The following ZC3H12B variants were observed in gnomAD, a reference collection of about 807,000 sequenced individuals.
ZC3H12B encodes the protein zinc finger CCCH-type containing 12B, also known as probable ribonuclease ZC3H12B.
Under a neutral mutation model 43.9 loss-of-function variants are expected in ZC3H12B, and 7 were observed. That is an observed-to-expected ratio of 0.16 (90% confidence interval 0.09 to 0.30). The LOEUF (loss-of-function observed/expected upper bound fraction) is 0.30, where lower values mean the gene tolerates loss of function less well. Ranked by LOEUF, ZC3H12B falls within the 10% of genes least tolerant of loss-of-function variation. The pLI is 1.00. For synonymous variants in ZC3H12B, 222 were observed against 241.7 expected (o/e 0.92, Z 0.76); for missense variants, 475 against 670.2 (o/e 0.71, Z 3.22).
chrX:65,380,235 C>T (rs1429202100), intron 2 of ZC3H12B, among the ~76,000 whole-genome samples: 1 of 111,984 alleles, frequency 8.9e-6, no homozygotes, highest in Non-Finnish European at 1.9e-5. Context: ...CAAAGGGAAG[C>T]CCATCAGACT....
At chrX:65,058,529 C>T in the ZC3H12B span, among the ~76,000 whole-genome samples, 1 of 112,007 alleles carries the variant, frequency 8.9e-6, no homozygotes, top group Non-Finnish European at 1.9e-5. Context: ...AGTTAGGGAC[C>T]CACTTGAGGA....
the ZC3H12B span, among the ~76,000 whole-genome samples, chrX:65,035,206 A>C: frequency 3.6e-5 from 4 of 110,905 alleles, no homozygotes; most frequent in Admixed American, 9.3e-5. Context: ...CGGGCGGGGG[A>C]GGGGCTCCCC....
At chrX:65,331,210 C>G in the ZC3H12B span, 1 of 139,424 alleles carries the variant, frequency 7.2e-6, no homozygotes, top group African/African-American at 3.2e-5. Flanking sequence ...GGAGTTTAGG[C>G]TTTGGCTCCT....
chrX:65,468,148 A>T (rs887212687), intron 3 of ZC3H12B, among the ~76,000 whole-genome samples: 1 of 111,792 alleles, frequency 8.9e-6, no homozygotes, highest in African/African-American at 3.2e-5. Flanking sequence ...AGAGATAGAG[A>T]TCCAGTTTCT....
the ZC3H12B span, among the ~76,000 whole-genome samples, chrX:65,221,562 C>A: frequency 9.0e-6 from 1 of 110,916 alleles, no homozygotes; most frequent in Non-Finnish European, 1.9e-5. Context: ...ACTGTGAACA[C>A]CTTTATGCAC....
chrX:65,114,331 C>A, the ZC3H12B span, among the ~76,000 whole-genome samples: 1 of 109,085 alleles, frequency 9.2e-6, no homozygotes, highest in Non-Finnish European at 1.9e-5. Flanking sequence ...GGTTATAATT[C>A]TTTTAATACT....
chrX:65,248,191 C>T, the ZC3H12B span, among the ~76,000 whole-genome samples: 4 of 110,412 alleles, frequency 3.6e-5, no homozygotes, highest in African/African-American at 9.9e-5. Flanking sequence ...ACCGCCACCA[C>T]GCCCAGCTAA....
chrX:65,461,309 T>C (rs1251809778), intron 3 of ZC3H12B, among the ~76,000 whole-genome samples: 1 of 111,696 alleles, frequency 9.0e-6, no homozygotes, highest in East Asian at 2.8e-4. Flanking sequence ...TCTTCAGGGA[T>C]CTTGAACTAG....
chrX:65,213,406 G>C, the ZC3H12B span, among the ~76,000 whole-genome samples: 1 of 110,983 alleles, frequency 9.0e-6, no homozygotes, highest in Non-Finnish European at 1.9e-5. Flanking sequence ...TCTCATAACG[G>C]GATCACTTGG....
the ZC3H12B span, among the ~76,000 whole-genome samples, chrX:65,338,651 A>C: frequency 1.8e-5 from 2 of 112,292 alleles, no homozygotes; most frequent in Non-Finnish European, 3.8e-5. Context: ...AGCACATCAA[A>C]AACTTAATTT....
At chrX:65,153,263 T>C in the ZC3H12B span, among the ~76,000 whole-genome samples, 72 of 111,813 alleles carry the variant, frequency 6.4e-4, no homozygotes, top group African/African-American at 2.2e-3. Context: ...AGCTTCTGCA[T>C]AGCAAAAGAA....
intron 2 of ZC3H12B, among the ~76,000 whole-genome samples, chrX:65,377,125 G>A (rs745374767): frequency 8.0e-4 from 87 of 108,678 alleles, no homozygotes; most frequent in Non-Finnish European, 1.5e-3. Flanking sequence ...TTGGCATACC[G>A]AAGAATGCAC....
At chrX:65,477,349 G>T (rs1466789944) in intron 3 of ZC3H12B, among the ~76,000 whole-genome samples, 1 of 104,760 alleles carries the variant, frequency 9.5e-6, no homozygotes, top group Non-Finnish European at 1.9e-5. Context: ...TTACAAGGAG[G>T]TTAAACAAGC....
intron 3 of ZC3H12B, chrX:65,469,177 C>A (rs766289605): frequency 1.2e-5 from 2 of 164,154 alleles, no homozygotes; most frequent in South Asian, 2.0e-4. Flanking sequence ...TTCTAGCAGA[C>A]CACCAACAGC....
chrX:65,197,703 G>T, the ZC3H12B span, among the ~76,000 whole-genome samples: 2 of 112,134 alleles, frequency 1.8e-5, no homozygotes, highest in African/African-American at 6.5e-5. Context: ...CATACCTAAT[G>T]TGTTAACACT....
the ZC3H12B span, among the ~76,000 whole-genome samples, chrX:65,209,529 C>G: frequency 2.0e-5 from 2 of 101,441 alleles, no homozygotes; most frequent in African/African-American, 7.2e-5. Context: ...TTTGATTGCA[C>G]TGTGGTCTGA....
At chrX:65,217,244 G>T in the ZC3H12B span, among the ~76,000 whole-genome samples, 1 of 112,181 alleles carries the variant, frequency 8.9e-6, no homozygotes, top group Non-Finnish European at 1.9e-5. Context: ...GTTCAGGAGG[G>T]TTCTCCTAGT....
At chrX:65,169,072 C>G in the ZC3H12B span, among the ~76,000 whole-genome samples, 1 of 111,381 alleles carries the variant, frequency 9.0e-6, no homozygotes, top group African/African-American at 3.3e-5. Flanking sequence ...TTGCCTTCTG[C>G]TAGCTTTTGA....
the ZC3H12B span, among the ~76,000 whole-genome samples, chrX:65,148,389 C>T: frequency 8.9e-6 from 1 of 111,870 alleles, no homozygotes; most frequent in Admixed American, 9.4e-5. Context: ...TGGGATCAGC[C>T]TAGTACTGCT....
Sources: gnomAD v4.1 joint callset for allele counts (sites outside exome capture counted in the v4.1 genomes callset) on GRCh38, gnomAD v4.1.1 for gene constraint, MANE v1.5 for transcripts, NCBI Gene and HGNC (gene_info 2026-07-23, HGNC 2026-07-21) for gene names.